MYO5B: variants seen among roughly 807,000 people sequenced by gnomAD.
MYO5B encodes myosin VB, also known as unconventional myosin-Vb.
Under a neutral mutation model 229.3 loss-of-function variants are expected in MYO5B, and 143 were observed. The ratio of observed to expected loss-of-function variants is 0.62; its 90% CI spans 0.54 to 0.72. The LOEUF (loss-of-function observed/expected upper bound fraction) is 0.72, where lower values mean the gene tolerates loss of function less well. MYO5B is among the 30% of genes least tolerant of loss of function. The probability of loss-of-function intolerance (pLI) is 0.00; values close to 1 mark genes in which losing one functional copy is unlikely to be tolerated. For missense variants in MYO5B, 2,321 were observed against 2,331.0 expected (o/e 1.00, Z 0.09); for synonymous variants, 918 against 885.2 (o/e 1.04, Z -0.66).
intron 21 of MYO5B, among the ~76,000 whole-genome samples, chr18:49,896,032 G>T (rs984692473): frequency 6.6e-6 from 1 of 152,240 alleles, no homozygotes; most frequent in African/African-American, 2.4e-5. Context: ...GCTCTGGTCT[G>T]TAGGAGCGCC....
At position 49,984,701 on chromosome 18, in the gene MYO5B, A is replaced by G. The variant is rs767739265; in HGVS notation, c.946+17T>C. 3 of 1,580,318 alleles carry G rather than the reference A, an allele frequency of 1.9e-6. No individual in the cohort carries two copies. The highest frequency in any genetic ancestry group is 2.6e-6 in the Non-Finnish European group (3 of 1,149,228). ...TCAGCCCTCGGGGCCTGCTTCCCCAACTAAGAAGCTCCTTACCGAGGAGTG... is the reference window on the plus strand; with the variant it reads ...TCAGCCCTCGGGGCCTGCTTCCCCAGCTAAGAAGCTCCTTACCGAGGAGTG... On this transcript the variant is annotated intron_variant, in intron 8 of 39. Coordinates refer to ENST00000285039, the MANE Select transcript of MYO5B (RefSeq NM_001080467.3).
intron 18 of MYO5B, among the ~76,000 whole-genome samples, chr18:49,909,376 A>G (rs2024934086): frequency 6.6e-6 from 1 of 152,266 alleles, no homozygotes; most frequent in South Asian, 2.1e-4. Flanking sequence ...TAGTTTAGAC[A>G]GCGGGAGTTA....
At chr18:50,181,053 G>C (rs117493061) in intron 1 of MYO5B, among the ~76,000 whole-genome samples, 1 of 152,182 alleles carries the variant, frequency 6.6e-6, no homozygotes, top group East Asian at 1.9e-4. Context: ...AGTAAAAAGA[G>C]TATTCACCAT....
At chr18:50,063,324 A>C (rs901842162) in intron 1 of MYO5B, among the ~76,000 whole-genome samples, 3 of 152,104 alleles carry the variant, frequency 2.0e-5, no homozygotes, top group African/African-American at 7.2e-5. Context: ...AGCTCCCTGT[A>C]ATTTAGAGCC....
chr18:49,954,838 T>C (rs902563531), intron 12 of MYO5B, among the ~76,000 whole-genome samples: 1 of 152,172 alleles, frequency 6.6e-6, no homozygotes, highest in African/African-American at 2.4e-5. Flanking sequence ...GCTCACCCAC[T>C]CACCCAGGTG....
intron 18 of MYO5B, among the ~76,000 whole-genome samples, chr18:49,908,846 A>G (rs1456053953): frequency 3.3e-5 from 5 of 152,234 alleles, no homozygotes; most frequent in Admixed American, 3.3e-4. Flanking sequence ...CTGTGGAGTT[A>G]AAGAATAAAC....
At chr18:50,057,544 G>A (rs1390563665) in intron 1 of MYO5B, among the ~76,000 whole-genome samples, 1 of 152,122 alleles carries the variant, frequency 6.6e-6, no homozygotes, top group African/African-American at 2.4e-5. Flanking sequence ...TGGCCCATAT[G>A]CCACTCGTGG....
chr18:49,921,078 T>C (rs562680308), intron 17 of MYO5B, among the ~76,000 whole-genome samples: 5 of 152,174 alleles, frequency 3.3e-5, no homozygotes, highest in African/African-American at 7.2e-5. Context: ...CATGATTAAA[T>C]AGGGAGAGGA....
intron 7 of MYO5B, among the ~76,000 whole-genome samples, chr18:49,989,683 C>T (rs1315905303): frequency 6.6e-6 from 1 of 152,206 alleles, no homozygotes; most frequent in Non-Finnish European, 1.5e-5. Context: ...GCTCACTACT[C>T]CACTGGCTCC....
At chr18:49,847,367 TGGA>T in intron 32 of MYO5B, 78 bp from the exon 33 acceptor site, 1 of 1,544,064 alleles carries the variant, frequency 6.5e-7, no homozygotes, top group Non-Finnish European at 8.8e-7. Context: ...CTCTGGCGGG[TGGA>T]GGATGGGACC....
intron 14 of MYO5B, among the ~76,000 whole-genome samples, chr18:49,944,621 C>T (rs991747227): frequency 6.6e-6 from 1 of 152,056 alleles, no homozygotes; most frequent in Non-Finnish European, 1.5e-5. Context: ...TTTTAACTTG[C>T]TCATTTATAT....
chr18:50,001,743 C>T (rs942041248), intron 4 of MYO5B, among the ~76,000 whole-genome samples: 1 of 152,102 alleles, frequency 6.6e-6, no homozygotes, highest in Non-Finnish European at 1.5e-5. Context: ...AATTCACAAG[C>T]ACACACAGAC....
At chr18:50,013,800 G>C (rs942714527) in intron 4 of MYO5B, among the ~76,000 whole-genome samples, 2 of 152,208 alleles carry the variant, frequency 1.3e-5, no homozygotes, top group African/African-American at 2.4e-5. Flanking sequence ...ACACTCACTT[G>C]CTTCACAGAG....
chr18:50,006,417 C>T (rs1189535891), intron 4 of MYO5B, among the ~76,000 whole-genome samples: 1 of 152,218 alleles, frequency 6.6e-6, no homozygotes, highest in Non-Finnish European at 1.5e-5. Context: ...ATTTAGTACT[C>T]AGCCATGATT....
intron 9 of MYO5B, among the ~76,000 whole-genome samples, chr18:49,978,490 T>C (rs917748416): frequency 1.3e-5 from 2 of 151,766 alleles, no homozygotes; most frequent in African/African-American, 4.8e-5. Context: ...CTCACTAAGA[T>C]CTCAGAATTG....
intron 1 of MYO5B, among the ~76,000 whole-genome samples, chr18:50,133,077 A>G (rs1243681161): frequency 6.6e-6 from 1 of 152,206 alleles, no homozygotes; most frequent in African/African-American, 2.4e-5. Flanking sequence ...TATGCTGCTG[A>G]GGGCAGAATT....
intron 29 of MYO5B, among the ~76,000 whole-genome samples, chr18:49,860,928 A>G (rs2144074090): frequency 6.6e-6 from 1 of 152,346 alleles, no homozygotes; most frequent in South Asian, 2.1e-4. Flanking sequence ...TCCCCTTGTC[A>G]TGGGCTCCAC....
rs4939926 is a variant in MYO5B at position 49,980,247 on chromosome 18, C to T, written c.1056+197G>A. On this transcript the variant is annotated intron_variant, in intron 9 of 39. Transcript: ENST00000285039. ...AAATAGCCACTACATTCCCTGTCCT[C>T]GGCAACAGAAACTTGATGGCAGCTG... 0.16 allele frequency among the ~76,000 whole-genome samples: 23,841 copies of T among 152,202 alleles called. 1,897 individuals carry two copies. The highest frequency in any genetic ancestry group is 0.22 in the East Asian group (1,123 of 5,182).
At position 49,974,650 on chromosome 18, in the gene MYO5B, T is replaced by A; in HGVS notation, c.1057-35A>T. ...ATGGGGGAGATAGGTTCAGGAGGAG[T>A]GTGGGAGACAAGCCGCCCCCCACCA... On this transcript the variant is annotated intron_variant, in intron 9 of 39. Transcript: ENST00000285039. 4 of 1,602,432 alleles carry A rather than the reference T, an allele frequency of 2.5e-6. 1 individual carries two copies.
Sources: gnomAD v4.1 joint callset for allele counts (sites outside exome capture counted in the v4.1 genomes callset) on GRCh38, gnomAD v4.1.1 for gene constraint, MANE v1.5 for transcripts, NCBI Gene and HGNC (gene_info 2026-07-23, HGNC 2026-07-21) for gene names.